The following ZNF500 variants were observed in gnomAD, a reference collection of about 807,000 sequenced individuals.
The protein encoded by ZNF500 is zinc finger protein 500.
In ZNF500, 31 loss-of-function variants were observed where a neutral mutation model predicts 30.1. The ratio of observed to expected loss-of-function variants is 1.03; its 90% confidence interval spans 0.77 to 1.39. The LOEUF is 1.39. Ranked by LOEUF, ZNF500 falls within the 40% of genes most tolerant of loss-of-function variation. The pLI is 0.00. For missense variants in ZNF500, 817 were observed against 657.8 expected (o/e 1.24, Z -2.65); for synonymous variants, 392 against 282.0 (o/e 1.39, Z -3.91).
At chr16:4,753,310 A>C in intron 5 of ZNF500, 3 of 595,436 alleles carry the variant, frequency 5.0e-6, no homozygotes, top group Non-Finnish European at 7.7e-6. Flanking sequence ...AAAATAAACA[A>C]AACTAGCTGG....
intron 1 of ZNF500, 40 bp downstream of exon 1, chr16:4,766,977 C>G (rs1382901791): frequency 1.3e-5 from 2 of 152,306 alleles, no homozygotes. Flanking sequence ...GAAATCGAAG[C>G]TTCGGCCGGG....
chr16:4,762,783 C>T, intron 2 of ZNF500, 27 bp from the exon 3 acceptor site: 1 of 1,558,232 alleles, frequency 6.4e-7, no homozygotes, highest in Non-Finnish European at 8.7e-7. Context: ...ATCTCCCCAC[C>T]AGCTCCCAGA....
In ZNF500 at chr16:4,751,412, C is replaced by T; in HGVS notation, c.*964G>A. On this transcript the variant is annotated 3_prime_UTR_variant, in exon 6 of 6. Coordinates refer to ENST00000219478, the MANE Select transcript of ZNF500 (RefSeq NM_021646.4). ...GGGGAGATGTCAGGCCCGTCACATC[C>T]CAGGCAACATGTCAGGAAGATGGAA... The T allele has an allele frequency of 1.5e-6, 1 of 657,966 alleles. No homozygotes were observed. The highest frequency in any genetic ancestry group is 3.1e-5 in the Admixed American group (1 of 32,256). The allele number at this position is 657,966 out of a possible 1,614,324, so 40.8% of individuals were successfully genotyped here.
chr16:4,746,513 G>A, downstream of ZNF500: 1 of 1,612,938 alleles, frequency 6.2e-7, no homozygotes, highest in Non-Finnish European at 8.5e-7. Context: ...CCCCAGAAAG[G>A]TCCGGAGGGC....
Position 4,752,471 on chromosome 16 carries a change from TGCCCCGGCGGAA to T in ZNF500, c.1336_1347del (p.Phe446_Gly449del), listed in dbSNP as rs2082091294. Reference sequence around the variant, plus strand: ...GTCCGCTGGTGCTTGTGCAGGTCGGTGCCCCGGCGGAAGCCCCGGCCACAGGCCGGGCAGGTG... The same window carrying T: ...GTCCGCTGGTGCTTGTGCAGGTCGGTGCCCCGGCCACAGGCCGGGCAGGTG... On this transcript the variant is annotated inframe_deletion, in exon 6 of 6. Transcript: ENST00000219478. 1 of 1,544,244 alleles carries T rather than the reference TGCCCCGGCGGAA, an allele frequency of 6.5e-7. No homozygotes were observed. The highest frequency in any genetic ancestry group is 1.4e-5 in the African/African-American group (1 of 73,108).
At chr16:4,764,448 C>G (rs2082240125) in intron 2 of ZNF500, among the ~76,000 whole-genome samples, 1 of 151,896 alleles carries the variant, frequency 6.6e-6, no homozygotes, top group Non-Finnish European at 1.5e-5. Context: ...ATCACTCCAG[C>G]CTGGGCGACA....
At chr16:4,756,613 T>C (rs2082137615) in intron 5 of ZNF500, 2 of 152,122 alleles carry the variant, frequency 1.3e-5, no homozygotes, top group South Asian at 2.1e-4. Flanking sequence ...GCCTCCTGGG[T>C]TCAAGCGATT....
Position 4,762,363 on chromosome 16 carries a change from C to A in ZNF500, c.599-28G>T, listed in dbSNP as rs2082214270. On this transcript the variant is annotated intron_variant, in intron 3 of 5. Coordinates refer to ENST00000219478, the MANE Select transcript of ZNF500 (RefSeq NM_021646.4). ...GGGAAGGAGCAGAGTCACCACCAGTCACACAGCTCACCCAGTACTGCCCCT... is the reference window on the plus strand; with the variant it reads ...GGGAAGGAGCAGAGTCACCACCAGTAACACAGCTCACCCAGTACTGCCCCT... 4 of 1,588,280 alleles carry A rather than the reference C, an allele frequency of 2.5e-6. No individual in the cohort carries two copies. In the Admixed American group the frequency reaches 5.3e-5, roughly 21 times the overall value.
rs1338201957 is a variant in ZNF500 at position 4,751,354 on chromosome 16, C to T, written c.*1022G>A. On this transcript the variant is annotated 3_prime_UTR_variant, in exon 6 of 6. Transcript: ENST00000219478. ...AGGCCACATTCCAGACACTAAGGGG[C>T]CAGGAGCAAACGCAGCCCTGGGCCC... 4 of 529,188 alleles carry T rather than the reference C, an allele frequency of 7.6e-6. No homozygotes were observed. In the African/African-American group the frequency reaches 7.8e-5, roughly 10 times the overall value. The allele number at this position is 529,188 out of a possible 1,614,324, so 32.8% of individuals were successfully genotyped here.
chr16:4,762,177 C>G lies in ZNF500; in HGVS notation c.663+94G>C, dbSNP rs946247295. ...GCTCCTCTGACATCCAAAACCTTGG[C>G]CCCCAGGAGAGGTGTCCCCTTAACA... On this transcript the variant is annotated intron_variant, in intron 4 of 5. Coordinates refer to ENST00000219478, the MANE Select transcript of ZNF500 (RefSeq NM_021646.4). 21 of 1,410,304 alleles carry G rather than the reference C, an allele frequency of 1.5e-5. No individual in the cohort carries two copies. In the African/African-American group the frequency reaches 2.8e-4, roughly 19 times the overall value. The allele number at this position is 1,410,304 out of a possible 1,614,324, so 87.4% of individuals were successfully genotyped here.
In ZNF500 at chr16:4,767,134, C is replaced by A. The variant is rs2082272224; in HGVS notation, c.-216G>T. 1 of 152,338 alleles carries A rather than the reference C, an allele frequency of 6.6e-6. No individual in the cohort carries two copies. Among genetic ancestry groups the A allele is most frequent in the South Asian group, 2.1e-4 (1 of 4,838 alleles). 9.4% of individuals were successfully genotyped at this position (152,338 alleles called of 1,614,324 possible). ...GGGACGCCAGAGCCGGGGCCGAAGA[C>A]CCTAAACCAGGGGTGCAAACCAGGC... On this transcript the variant is annotated 5_prime_UTR_variant, in exon 1 of 6. Transcript: ENST00000219478.
rs923744325 is a variant in ZNF500 at position 4,767,127 on chromosome 16, C to G, written c.-209G>C. 2.0e-5 allele frequency: 3 copies of G among 152,446 alleles called. No individual in the cohort carries two copies. The highest frequency in any genetic ancestry group is 7.2e-5 in the African/African-American group (3 of 41,594). 9.4% of individuals were successfully genotyped at this position (152,446 alleles called of 1,614,324 possible). A position where few individuals can be genotyped will look rare whatever the true frequency, so the allele number is the denominator to read the frequency against. On this transcript the variant is annotated 5_prime_UTR_variant, in exon 1 of 6. Coordinates refer to ENST00000219478, the MANE Select transcript of ZNF500 (RefSeq NM_021646.4). ...GCAGCCAGGGACGCCAGAGCCGGGG[C>G]CGAAGACCCTAAACCAGGGGTGCAA...
chr16:4,763,295 A>T (rs2141848339), intron 2 of ZNF500: 2 of 273,648 alleles, frequency 7.3e-6, no homozygotes, highest in Middle Eastern at 1.8e-3. Flanking sequence ...GGTACTTGGG[A>T]GGCTGAGGCA....
intron 4 of ZNF500, among the ~76,000 whole-genome samples, chr16:4,761,581 T>G (rs1002972273): frequency 4.6e-5 from 7 of 151,266 alleles, no homozygotes; most frequent in South Asian, 4.2e-4. Flanking sequence ...CATGGTGGCT[T>G]ATGCCTGTAA....
At chr16:4,745,104 C>T (rs986770238), downstream of ZNF500, 46 of 1,444,322 alleles carry the variant, frequency 3.2e-5, no homozygotes, top group Admixed American at 8.7e-4. Context: ...GCGGGGCACT[C>T]CATGTGCATT....
At position 4,750,104 on chromosome 16, in the gene ZNF500, G is replaced by A. The variant is rs1207347314; in HGVS notation, c.*2272C>T. 6.6e-6 allele frequency: 1 copy of A among 152,620 alleles called. No individual in the cohort carries two copies. The highest frequency in any genetic ancestry group is 2.4e-5 in the African/African-American group (1 of 41,480). The allele number at this position is 152,620 out of a possible 1,614,324, so 9.5% of individuals were successfully genotyped here. A position where few individuals can be genotyped will look rare whatever the true frequency, so the allele number is the denominator to read the frequency against. ...CTCCAGCACAGGCCTGGATATGAGA[G>A]AGGGGCCTGGGGGCTCAGGCTGCGC... On this transcript the variant is annotated 3_prime_UTR_variant, in exon 6 of 6. Transcript: ENST00000219478.
At chr16:4,765,461 C>T (rs1430113926) in intron 2 of ZNF500, 104 bp downstream of exon 2, 4 of 1,470,348 alleles carry the variant, frequency 2.7e-6, no homozygotes, top group Non-Finnish European at 3.7e-6. Context: ...GCTCAGGGGC[C>T]AGGCAGCCAC....
At chr16:4,765,414 G>C in intron 2 of ZNF500, 151 bp downstream of exon 2, 2 of 1,096,532 alleles carry the variant, frequency 1.8e-6, no homozygotes, top group Non-Finnish European at 2.6e-6. Flanking sequence ...CATTAGCCAA[G>C]GCTGAGAAAT....
rs781510656 is a variant in ZNF500 at position 4,765,762 on chromosome 16, C to G, written c.217G>C (p.Glu73Gln). The change falls in exon 2 of 6, where the codon GAG becomes CAG. Residue 73 changes from glutamate to glutamine, a missense_variant. Coordinates refer to ENST00000219478, the MANE Select transcript of ZNF500 (RefSeq NM_021646.4). The part of the protein sequence containing the change: ...GPREALSRLW[E>Q]LCCRWLRPEL... ...GGCCGCAGCCAGCGGCAGCACAGCT[C>G]CCAGAGGCGGCTCAGGGCCTCCCGG... is the stretch of plus-strand genomic sequence containing the variant. 31 of 1,612,928 alleles carry G rather than the reference C, an allele frequency of 1.9e-5. No individual in the cohort carries two copies. The highest frequency in any genetic ancestry group is 2.6e-5 in the Non-Finnish European group (31 of 1,179,910).
Sources: gnomAD v4.1 joint callset for allele counts (sites outside exome capture counted in the v4.1 genomes callset) on GRCh38, gnomAD v4.1.1 for gene constraint, MANE v1.5 for transcripts, NCBI Gene and HGNC (gene_info 2026-07-23, HGNC 2026-07-21) for gene names.